The following DNAJC3 variants were observed in gnomAD, a reference collection of about 807,000 sequenced individuals.
DNAJC3 encodes dnaJ homolog subfamily C member 3.
Under a neutral mutation model 68.6 loss-of-function variants are expected in DNAJC3, and 38 were observed. That is an observed-to-expected ratio of 0.55 (90% confidence interval 0.43 to 0.73). The LOEUF is 0.73. Among genes scored for constraint, DNAJC3 ranks in the 30% least tolerant of loss-of-function variants. The pLI, the probability that DNAJC3 is intolerant of heterozygous loss-of-function variation, is 0.00. For synonymous variants in DNAJC3, 203 were observed against 204.0 expected (o/e 1.00, Z 0.04); for missense variants, 526 against 591.9 (o/e 0.89, Z 1.16).
intron 2 of DNAJC3, among the ~76,000 whole-genome samples, chr13:95,714,300 C>T (rs1048893893): frequency 2.0e-5 from 3 of 151,384 alleles, no homozygotes; most frequent in Non-Finnish European, 4.4e-5. Context: ...GAGGCTGAGG[C>T]GGGAGGACTG....
At chr13:95,715,108 G>A (rs1411919485) in intron 2 of DNAJC3, among the ~76,000 whole-genome samples, 1 of 152,198 alleles carries the variant, frequency 6.6e-6, no homozygotes, top group African/African-American at 2.4e-5. Context: ...TGAATAACAG[G>A]CAGTGTGGTG....
In DNAJC3 at chr13:95,723,356, A is replaced by T; in HGVS notation, c.308A>T (p.Asp103Val). ...ACTAAAGTGATTCAATTGAAGATGG[A>T]CTTCACTGCAGTAAGTATATCTCAA... is the stretch of plus-strand genomic sequence containing the variant. Reference protein sequence around the residue: ...DLTKVIQLKMDFTAARLQRGH... With the variant: ...DLTKVIQLKMVFTAARLQRGH... Residue 103 changes from aspartate to valine, a missense_variant, in exon 3 of 12, where the codon GAC becomes GTC. Physicochemically the swap from Asp to Val is radical, Grantham distance 152 (BLOSUM62 -3). Coordinates refer to ENST00000602402, the MANE Select transcript of DNAJC3 (RefSeq NM_006260.5). 1 of 1,611,360 alleles carries T rather than the reference A, an allele frequency of 6.2e-7. No homozygotes were observed. The highest frequency in any genetic ancestry group is 8.5e-7 in the Non-Finnish European group (1 of 1,178,580).
In DNAJC3 at chr13:95,754,209, A is replaced by T. The variant is rs186709764; in HGVS notation, c.394-3435A>T. ...TAGCTGAGGGCTTGGCCAGTAAACG[A>T]TCCGCCCCTAAACTTACTCAGCTGG... On this transcript the variant is annotated intron_variant, in intron 4 of 11. Transcript: ENST00000602402. Among the ~76,000 whole-genome samples the T allele has an allele frequency of 2.4e-4, 36 of 152,276 alleles. 1 individual carries two copies. The East Asian group carries it at 7.0e-3, about 29-fold the overall frequency.
chr13:95,724,668 C>T lies in DNAJC3; in HGVS notation c.319-510C>T, dbSNP rs577861472. Reference sequence around the variant, plus strand: ...GCCCTGTACCTATTAGCGGTCACTCCCCATTGCTCCCCTAGCTCCTGGCAA... The same window carrying T: ...GCCCTGTACCTATTAGCGGTCACTCTCCATTGCTCCCCTAGCTCCTGGCAA... On this transcript the variant is annotated intron_variant, in intron 3 of 11. Coordinates refer to ENST00000602402, the MANE Select transcript of DNAJC3 (RefSeq NM_006260.5). Among the ~76,000 whole-genome samples, 23 of 152,214 alleles carry T rather than the reference C, an allele frequency of 1.5e-4. No individual in the cohort carries two copies. In the South Asian group the frequency reaches 4.8e-3, roughly 32 times the overall value.
chr13:95,750,380 A>G (rs1331806505), intron 4 of DNAJC3, among the ~76,000 whole-genome samples: 1 of 151,998 alleles, frequency 6.6e-6, no homozygotes, highest in Non-Finnish European at 1.5e-5. Flanking sequence ...TAGTGCCTGG[A>G]GCACAGAAAG....
intron 1 of DNAJC3, chr13:95,694,636 C>T (rs938048849): frequency 9.2e-5 from 14 of 152,746 alleles, no homozygotes; most frequent in African/African-American, 3.1e-4. Context: ...GATCTCCCCA[C>T]ACCATCCAAC....
At chr13:95,765,913 G>A (rs2139680263) in intron 9 of DNAJC3, among the ~76,000 whole-genome samples, 1 of 151,850 alleles carries the variant, frequency 6.6e-6, no homozygotes, top group South Asian at 2.1e-4. Context: ...TTTTCTATAG[G>A]AATTTATTAA....
chr13:95,691,543 C>T (rs9742475), intron 1 of DNAJC3, among the ~76,000 whole-genome samples: 203 of 151,782 alleles, frequency 1.3e-3, no homozygotes, highest in African/African-American at 4.4e-3. Flanking sequence ...GGATGGCGGC[C>T]GGGCAGAGAC....
intron 5 of DNAJC3, among the ~76,000 whole-genome samples, chr13:95,758,167 A>G (rs139703959): frequency 2.3e-4 from 35 of 152,266 alleles, no homozygotes; most frequent in African/African-American, 7.5e-4. Flanking sequence ...ATGTTTAGAG[A>G]AAAATTTCTA....
intron 9 of DNAJC3, among the ~76,000 whole-genome samples, chr13:95,766,721 G>A (rs987791740): frequency 4.0e-5 from 6 of 150,696 alleles, no homozygotes; most frequent in African/African-American, 1.5e-4. Context: ...TTGAGATGGA[G>A]TCTTGCTCTA....
chr13:95,782,134 T>G (rs1246254380), intron 9 of DNAJC3, among the ~76,000 whole-genome samples: 1 of 152,214 alleles, frequency 6.6e-6, no homozygotes, highest in African/African-American at 2.4e-5. Context: ...GGACTTGAAC[T>G]CACCTTTTTT....
chr13:95,708,420 T>G (rs1281475026), intron 1 of DNAJC3, among the ~76,000 whole-genome samples: 2 of 152,196 alleles, frequency 1.3e-5, no homozygotes, highest in Non-Finnish European at 2.9e-5. Context: ...CCTCTACTTC[T>G]TTGACCTCAT....
intron 1 of DNAJC3, among the ~76,000 whole-genome samples, chr13:95,705,286 T>C (rs78545577): frequency 2.8e-3 from 426 of 152,300 alleles, no homozygotes; most frequent in Non-Finnish European, 3.9e-3. Context: ...TCATTTTATC[T>C]ACCTGATTAT....
At chr13:95,778,912 A>C (rs1883358107) in intron 9 of DNAJC3, among the ~76,000 whole-genome samples, 1 of 152,000 alleles carries the variant, frequency 6.6e-6, no homozygotes, top group Non-Finnish European at 1.5e-5. Flanking sequence ...CCAATATTTG[A>C]CTCTGTAAAC....
intron 1 of DNAJC3, among the ~76,000 whole-genome samples, chr13:95,688,519 G>GTTT (rs113150172): frequency 2.1e-5 from 3 of 143,808 alleles, no homozygotes; most frequent in Non-Finnish European, 4.6e-5. Flanking sequence ...TTTTTCTACA[G>GTTT]TTTTTTTTTT....
chr13:95,760,268 G>T (rs181582441), intron 6 of DNAJC3, 47 bp downstream of exon 6: 2 of 1,412,114 alleles, frequency 1.4e-6, no homozygotes, highest in African/African-American at 2.9e-5. Context: ...ATTGTTGGCA[G>T]TAAGATTACC....
intron 9 of DNAJC3, among the ~76,000 whole-genome samples, chr13:95,775,595 A>G (rs2139687896): frequency 6.6e-6 from 1 of 152,312 alleles, no homozygotes; most frequent in South Asian, 2.1e-4. Flanking sequence ...TTTCAGCTAC[A>G]TTTTAAGTAT....
intron 5 of DNAJC3, among the ~76,000 whole-genome samples, chr13:95,759,516 G>A (rs1304598737): frequency 3.3e-5 from 5 of 152,132 alleles, no homozygotes; most frequent in Non-Finnish European, 7.3e-5. Flanking sequence ...ATCTTGCTTT[G>A]CTGCCTAAGC....
At chr13:95,773,152 G>GT (rs1191609072) in intron 9 of DNAJC3, among the ~76,000 whole-genome samples, 8,563 of 97,634 alleles carry the variant, frequency 0.088, 568 homozygotes, top group African/African-American at 0.21. Context: ...GACAAATTTA[G>GT]TTTTTTTTTT....
Sources: allele counts gnomAD v4.1 joint callset (sites outside exome capture counted in the v4.1 genomes callset), GRCh38; gene constraint gnomAD v4.1.1; transcripts MANE v1.5; gene names NCBI Gene and HGNC (gene_info 2026-07-23, HGNC 2026-07-21).